RBFOX1: variants seen among roughly 807,000 people sequenced by gnomAD.
RBFOX1 encodes RNA binding fox-1 homolog 1.
In RBFOX1, 8 loss-of-function variants were observed where a neutral mutation model predicts 57.7. That is an observed-to-expected ratio of 0.14 (90% CI 0.08 to 0.25). The LOEUF (loss-of-function observed/expected upper bound fraction) is 0.25, where lower values mean the gene tolerates loss of function less well. RBFOX1 is among the 10% of genes least tolerant of loss of function. RBFOX1 has a pLI of 1.00. For missense variants in RBFOX1, 611 were observed against 548.5 expected, an observed-to-expected ratio of 1.11 and a Z score of -1.14; for synonymous variants, 326 against 222.4, an observed-to-expected ratio of 1.47 and a Z score of -4.15.
chr16:5,317,725 G>A (rs1376351581), intron 1 of RBFOX1, among the ~76,000 whole-genome samples: 2 of 152,182 alleles, frequency 1.3e-5, no homozygotes, highest in Non-Finnish European at 2.9e-5. Flanking sequence ...GTTTCTTCTC[G>A]TGATCAGGCA....
At chr16:6,531,844 C>G (rs188045721) in intron 2 of RBFOX1, among the ~76,000 whole-genome samples, 11 of 152,334 alleles carry the variant, frequency 7.2e-5, no homozygotes, top group African/African-American at 2.6e-4. Context: ...CAGGGACAGT[C>G]TCAACTTTGT....
At chr16:5,714,722 G>T (rs951631798) in intron 3 of RBFOX1, among the ~76,000 whole-genome samples, 5 of 152,190 alleles carry the variant, frequency 3.3e-5, no homozygotes, top group African/African-American at 9.7e-5. Flanking sequence ...ATAATAATAG[G>T]AAGGATTGTA....
In RBFOX1 at chr16:6,592,418, C is replaced by G. The variant is rs549283114; in HGVS notation, c.-63-62185C>G. On this transcript the variant is annotated intron_variant, in intron 2 of 15. Coordinates refer to ENST00000550418, the MANE Select transcript of RBFOX1 (RefSeq NM_018723.4). ...AATATTTTGTTTCATAATACAGGAA[C>G]AAGAGTGTCATATGGGAGGGTGCAT... Among the ~76,000 whole-genome samples, 6 of 152,216 alleles carry G rather than the reference C, an allele frequency of 3.9e-5. No homozygotes were observed. In the South Asian group the frequency reaches 1.2e-3, roughly 32 times the overall value.
intron 3 of RBFOX1, among the ~76,000 whole-genome samples, chr16:6,678,445 A>G (rs1474597858): frequency 6.6e-6 from 1 of 151,720 alleles, no homozygotes; most frequent in African/African-American, 2.4e-5. Context: ...ATGATATATA[A>G]TATGTTTAGG....
At chr16:5,294,797 G>A (rs373737533) in intron 1 of RBFOX1, among the ~76,000 whole-genome samples, 3 of 151,796 alleles carry the variant, frequency 2.0e-5, no homozygotes, top group Non-Finnish European at 4.4e-5. Flanking sequence ...TTGGGAGGCC[G>A]AGGTAGGCAG....
chr16:6,646,849 C>T (rs1325070050), intron 2 of RBFOX1, among the ~76,000 whole-genome samples: 1 of 152,018 alleles, frequency 6.6e-6, no homozygotes, highest in Non-Finnish European at 1.5e-5. Flanking sequence ...GACTCAGTGT[C>T]CGAAGTCAAG....
intron 4 of RBFOX1, among the ~76,000 whole-genome samples, chr16:7,243,120 C>T (rs999382086): frequency 1.3e-5 from 2 of 152,044 alleles, no homozygotes; most frequent in African/African-American, 2.4e-5. Flanking sequence ...ATATAGAATA[C>T]ATTTGAATGT....
At chr16:6,825,304 T>C (rs1382006051) in intron 3 of RBFOX1, among the ~76,000 whole-genome samples, 1 of 151,546 alleles carries the variant, frequency 6.6e-6, no homozygotes, top group African/African-American at 2.4e-5. Flanking sequence ...TCTGTAGATA[T>C]TGCCCATGTT....
At chr16:6,580,373 C>G (rs552230531) in intron 2 of RBFOX1, among the ~76,000 whole-genome samples, 2 of 152,292 alleles carry the variant, frequency 1.3e-5, no homozygotes, top group South Asian at 4.1e-4. Context: ...CACACATTTG[C>G]CAATTATCTG....
At chr16:7,705,412 G>T (rs1215256986) in intron 14 of RBFOX1, among the ~76,000 whole-genome samples, 2 of 152,140 alleles carry the variant, frequency 1.3e-5, no homozygotes, top group Non-Finnish European at 2.9e-5. Flanking sequence ...GGCTGAGGCA[G>T]GAGAATGGCA....
At position 7,298,644 on chromosome 16, in the gene RBFOX1, C is replaced by G. The variant is rs190584995; in HGVS notation, c.28-219503C>G. ...CCCAAAACTATGATTAGCCCACTAT[C>G]GACTCAAAGCCAACAGTGGATTAAA... On this transcript the variant is annotated intron_variant, in intron 4 of 15. Coordinates refer to ENST00000550418, the MANE Select transcript of RBFOX1 (RefSeq NM_018723.4). Among the ~76,000 whole-genome samples, 39 of 152,244 alleles carry G rather than the reference C, an allele frequency of 2.6e-4. 1 individual carries two copies. The East Asian group carries it at 6.0e-3, about 23-fold the overall frequency.
intron 3 of RBFOX1, among the ~76,000 whole-genome samples, chr16:5,664,946 C>CT (rs1381022046): frequency 2.1e-5 from 3 of 144,254 alleles, no homozygotes; most frequent in African/African-American, 7.9e-5. Flanking sequence ...GTTATCTCTG[C>CT]TCTTTTTTTT....
At chr16:7,705,899 GATC>G (rs2082276882) in intron 14 of RBFOX1, among the ~76,000 whole-genome samples, 1 of 152,304 alleles carries the variant, frequency 6.6e-6, no homozygotes, top group South Asian at 2.1e-4. Context: ...GGCACATGGA[GATC>G]ATCATGATCT....
chr16:6,068,683 A>C (rs1430308188), intron 1 of RBFOX1, among the ~76,000 whole-genome samples: 1 of 152,224 alleles, frequency 6.6e-6, no homozygotes, highest in Non-Finnish European at 1.5e-5. Context: ...GAAGGTCTTC[A>C]GGACTCAGAT....
In RBFOX1 at chr16:7,018,864, A is replaced by T. The variant is rs140866499; in HGVS notation, c.-15-33193A>T. 2.6e-3 allele frequency among the ~76,000 whole-genome samples: 399 copies of T among 152,240 alleles called. 3 individuals carry two copies. The highest frequency in any genetic ancestry group is 9.0e-4 in the Non-Finnish European group (61 of 68,016). On this transcript the variant is annotated intron_variant, in intron 3 of 15. Coordinates refer to ENST00000550418, the MANE Select transcript of RBFOX1 (RefSeq NM_018723.4). ...CCAGGTGCAGTGGCTGACGACTGTA[A>T]TCTCAGCACATTGGGAGGCCAAAGT...
rs1354985275 is a variant in RBFOX1 at position 7,149,632 on chromosome 16, C to T, written c.27+97534C>T. Among the ~76,000 whole-genome samples, 4 of 151,840 alleles carry T rather than the reference C, an allele frequency of 2.6e-5. No homozygotes were observed. The East Asian group carries it at 7.8e-4, about 30-fold the overall frequency. ...TCCTGAGTAGCTGGGATTACAGGTG[C>T]ACACCACCGTGCCCAGCTATATGCC... On this transcript the variant is annotated intron_variant, in intron 4 of 15. Transcript: ENST00000550418.
chr16:6,414,493 A>G (rs2093564400), intron 2 of RBFOX1, among the ~76,000 whole-genome samples: 1 of 152,234 alleles, frequency 6.6e-6, no homozygotes, highest in East Asian at 1.9e-4. Context: ...AGAGGCAGAT[A>G]TTAATAAGCA....
chr16:6,978,376 C>G (rs1254985012), intron 3 of RBFOX1, among the ~76,000 whole-genome samples: 1 of 152,310 alleles, frequency 6.6e-6, no homozygotes, highest in East Asian at 1.9e-4. Context: ...ATTACTCATA[C>G]AGACGTCATG....
rs76459202 is a variant in RBFOX1 at position 7,104,345 on chromosome 16, G to T, written c.27+52247G>T. Among the ~76,000 whole-genome samples, 723 of 152,238 alleles carry T rather than the reference G, an allele frequency of 4.7e-3. 3 individuals are homozygous for T. Among genetic ancestry groups the T allele is most frequent in the African/African-American group, 0.017 (688 of 41,554 alleles). Reference sequence around the variant, plus strand: ...GTAACTTCTCCTAAGGGGGACCAGTGTAGCTTGAACATCTACTTAATCAGT... The same window carrying T: ...GTAACTTCTCCTAAGGGGGACCAGTTTAGCTTGAACATCTACTTAATCAGT... On this transcript the variant is annotated intron_variant, in intron 4 of 15. Transcript: ENST00000550418.
Sources: gnomAD v4.1 joint callset for allele counts (sites outside exome capture counted in the v4.1 genomes callset) on GRCh38, gnomAD v4.1.1 for gene constraint, MANE v1.5 for transcripts, NCBI Gene and HGNC (gene_info 2026-07-23, HGNC 2026-07-21) for gene names.